The following CNTN2 variants were observed in gnomAD, a reference collection of about 807,000 sequenced individuals.
CNTN2 encodes the protein contactin 2, also known as contactin-2.
Under a neutral mutation model 117.5 loss-of-function variants are expected in CNTN2, and 53 were observed. The observed-to-expected ratio is 0.45, with a 90% confidence interval of 0.36 to 0.57. CNTN2 has a LOEUF of 0.57. Among genes scored for constraint, CNTN2 ranks in the 20% least tolerant of loss-of-function variants. The pLI is 0.00. For synonymous variants in CNTN2, 530 were observed against 561.7 expected, an observed-to-expected ratio of 0.94 and a Z score of 0.80; for missense variants, 1,106 against 1,404.3, an observed-to-expected ratio of 0.79 and a Z score of 3.39.
chr1:205,049,358 C>G (rs1021804638), intron 1 of CNTN2, among the ~76,000 whole-genome samples: 2 of 151,568 alleles, frequency 1.3e-5, no homozygotes, highest in African/African-American at 4.9e-5. Flanking sequence ...CATCATCATA[C>G]ACAGACACAT....
chr1:205,073,800 G>A lies in CNTN2; in HGVS notation c.*35G>A, dbSNP rs74951008. ...CCCTCCCTCTGCGCCGCAGCTGGAC[G>A]CCACCTCCGACGGACACAGCCAGCC... On this transcript the variant is annotated 3_prime_UTR_variant, in exon 23 of 23. Coordinates refer to ENST00000331830, the MANE Select transcript of CNTN2 (RefSeq NM_005076.5). This position sits in a 1 kb window ranked among gnomAD's most constrained non-coding sequence, Gnocchi z 6.3. 2.5e-3 allele frequency: 3,891 copies of A among 1,568,280 alleles called. 73 individuals are homozygous for A. The African/African-American group carries it at 0.045, about 18-fold the overall frequency.
rs1433538117 is a variant in CNTN2, at chr1:205,059,765, G to A, written c.797+83G>A. 4 of 1,158,340 alleles carry A rather than the reference G, an allele frequency of 3.5e-6. No homozygotes were observed. The highest frequency in any genetic ancestry group is 1.8e-5 in the Admixed American group (1 of 56,604). The allele number at this position is 1,158,340 out of a possible 1,614,324, so 71.8% of individuals were successfully genotyped here. On this transcript the variant is annotated intron_variant, in intron 7 of 22. Transcript: ENST00000331830. This position sits in a 1 kb window ranked among gnomAD's most constrained non-coding sequence, Gnocchi z 5.6. ...CAGGGTGAGGGCAGGCAGAGTCAGG[G>A]CTCTTATCTTGGTGTCCCTCACAGG...
chr1:205,074,020 AGCTC>A lies in CNTN2; in HGVS notation c.*256_*259del. The A allele has an allele frequency of 1.7e-6, 1 of 588,780 alleles. No individual in the cohort carries two copies. The highest frequency in any genetic ancestry group is 2.8e-5 in the East Asian group (1 of 36,248). The allele number at this position is 588,780 out of a possible 1,614,324, so 36.5% of individuals were successfully genotyped here. ...ATGATGACACTGACGCCTATACCTGAGCTCTAGGCTGCCTGGAGGGAAGGAACAG... is the reference window on the plus strand; with the variant it reads ...ATGATGACACTGACGCCTATACCTGATAGGCTGCCTGGAGGGAAGGAACAG... On this transcript the variant is annotated 3_prime_UTR_variant, in exon 23 of 23. Transcript: ENST00000331830.
chr1:205,045,892 G>A (rs182439442), intron 1 of CNTN2, among the ~76,000 whole-genome samples: 75 of 152,244 alleles, frequency 4.9e-4, no homozygotes, highest in Middle Eastern at 3.4e-3. Context: ...CTGCCTAGAG[G>A]CAAAGGTTGG....
chr1:205,066,339 C>G, intron 14 of CNTN2, 102 bp from the exon 15 acceptor site: 3 of 1,398,084 alleles, frequency 2.1e-6, no homozygotes, highest in Non-Finnish European at 2.9e-6. Flanking sequence ...CCTCTGCTGC[C>G]CTGTCTTGGT....
Position 205,065,284 on chromosome 1 carries a change from C to T in CNTN2, c.1695+22C>T. On this transcript the variant is annotated intron_variant, in intron 13 of 22. Transcript: ENST00000331830. This position sits in a 1 kb window ranked among gnomAD's most constrained non-coding sequence, Gnocchi z 4.1. ...TGTGGTGAGACCTAGGGCCAGAGCC[C>T]CATGGCTTCTCCCTCCTTCTAGAGA... 1 of 1,613,018 alleles carries T rather than the reference C, an allele frequency of 6.2e-7. No homozygotes were observed.
chr1:205,052,474 C>T (rs546658903), intron 1 of CNTN2, among the ~76,000 whole-genome samples: 2 of 152,330 alleles, frequency 1.3e-5, no homozygotes, highest in African/African-American at 2.4e-5. Flanking sequence ...TTAACTCTTT[C>T]GACCCAGAAA....
intron 14 of CNTN2, 142 bp from the exon 15 acceptor site, chr1:205,066,299 C>A: frequency 1.0e-6 from 1 of 996,014 alleles, no homozygotes; most frequent in Non-Finnish European, 1.4e-6. Context: ...CCCTTGCCCG[C>A]CCTCCCGCCT....
chr1:205,070,257 C>A, intron 18 of CNTN2, 169 bp from the exon 19 acceptor site: 1 of 712,234 alleles, frequency 1.4e-6, no homozygotes. Context: ...AAGGGAGGCT[C>A]TCTGGGAATA....
intron 14 of CNTN2, 146 bp downstream of exon 14, chr1:205,066,055 T>C (rs1654273615): frequency 3.0e-6 from 3 of 989,780 alleles, no homozygotes; most frequent in Non-Finnish European, 4.4e-6. Context: ...GGATATACCC[T>C]GTGGTTCTTC....
intron 21 of CNTN2, 200 bp from the exon 22 acceptor site, chr1:205,072,868 A>T: frequency 1.5e-6 from 1 of 647,572 alleles, no homozygotes; most frequent in Non-Finnish European, 2.7e-6. Context: ...CTTCTAGCTT[A>T]AGGAGTCTAC....
intron 19 of CNTN2, 43 bp downstream of exon 19, chr1:205,070,581 G>C: frequency 1.4e-6 from 2 of 1,416,542 alleles, no homozygotes; most frequent in Non-Finnish European, 2.0e-6. Context: ...GGGTGCTGGG[G>C]CTTCAAAGCC....
In CNTN2 at chr1:205,074,794, G is replaced by A. The variant is rs950254397; in HGVS notation, c.*1029G>A. The A allele has an allele frequency of 1.0e-5, 4 of 398,644 alleles. No individual in the cohort carries two copies. The highest frequency in any genetic ancestry group is 1.8e-5 in the Non-Finnish European group (4 of 226,178). The allele number at this position is 398,644 out of a possible 1,614,324, so 24.7% of individuals were successfully genotyped here. ...GGGGAATGCAGCATTCATGCTGTGT[G>A]TCCTGGTATTGGGAGGTTTCTGGGA... On this transcript the variant is annotated 3_prime_UTR_variant, in exon 23 of 23. Transcript: ENST00000331830.
chr1:205,073,442 A>C lies in CNTN2; in HGVS notation c.3013+206A>C. The C allele has an allele frequency of 1.2e-5, 9 of 758,756 alleles. No individual in the cohort carries two copies. Among genetic ancestry groups the C allele is most frequent in the Non-Finnish European group, 1.9e-5 (9 of 477,812 alleles). The allele number at this position is 758,756 out of a possible 1,614,324, so 47.0% of individuals were successfully genotyped here. A position where few individuals can be genotyped will look rare whatever the true frequency, so the allele number is the denominator to read the frequency against. On this transcript the variant is annotated intron_variant, in intron 22 of 22. Coordinates refer to ENST00000331830, the MANE Select transcript of CNTN2 (RefSeq NM_005076.5). The surrounding 1 kb of genome is among the most constrained non-coding windows in gnomAD (Gnocchi z 6.3). ...CCAGAACATCCCCGAGGGCCAGGGA[A>C]GGGCGCAGGGTGCAGGGGGAGGCTG...
At chr1:205,062,394 G>A (rs550015659) in intron 9 of CNTN2, 46 bp from the exon 10 acceptor site, 2 of 1,571,006 alleles carry the variant, frequency 1.3e-6, no homozygotes, top group Non-Finnish European at 1.7e-6. Context: ...CCTCCCTGTG[G>A]CTCCTGTGGT....
rs1369714950 is a variant in CNTN2, at chr1:205,072,516, C to T, written c.2765C>T (p.Thr922Ile). The change falls in exon 21 of 23, where the codon ACT (threonine) becomes ATT (isoleucine). Residue 922 changes from threonine to isoleucine, a missense_variant. Transcript: ENST00000331830. ...CGACCTCCTGGCAACATCTCCTGGA[C>T]TTTCTCAAGCTCTAGTCTTAGCATT... Reference protein sequence around the residue: ...PRRPPGNISWTFSSSSLSIKW... With the variant: ...PRRPPGNISWIFSSSSLSIKW... The T allele has an allele frequency of 6.2e-7, 1 of 1,614,210 alleles. No homozygotes were observed. The highest frequency in any genetic ancestry group is 8.5e-7 in the Non-Finnish European group (1 of 1,180,040).
rs951790759 is a variant in CNTN2, at chr1:205,048,312, T to A, written c.-86-4788T>A. On this transcript the variant is annotated intron_variant, in intron 1 of 22. Transcript: ENST00000331830. This position sits in a 1 kb window ranked among gnomAD's most constrained non-coding sequence, Gnocchi z 4.1. ...GACTGGCTCCATGCGGGGGGCCTTA[T>A]CCCAGAAAACCTTGTCGTGTGTTGG... 1.3e-5 allele frequency among the ~76,000 whole-genome samples: 2 copies of A among 152,094 alleles called. No individual in the cohort carries two copies. The highest frequency in any genetic ancestry group is 2.9e-5 in the Non-Finnish European group (2 of 68,018).
intron 17 of CNTN2, 117 bp downstream of exon 17, chr1:205,069,678 C>A: frequency 7.2e-7 from 1 of 1,397,670 alleles, no homozygotes; most frequent in South Asian, 1.2e-5. Context: ...TCCTGTCCCC[C>A]TTCCACGCAC....
rs553631482 is a variant in CNTN2 at position 205,064,426 on chromosome 1, G to A, written c.1345G>A (p.Val449Met). Residue 449 changes from valine (V) to methionine (M), a missense_variant, in exon 11 of 23, where the codon GTG becomes ATG. Coordinates refer to ENST00000331830, the MANE Select transcript of CNTN2 (RefSeq NM_005076.5). ...PCQPRAAPKA[V>M]VLWSKGTEIL... ...CCAGCCCCGGGCAGCTCCAAAGGCC[G>A]TGGTGCTCTGGAGCAAAGGCACGGA... is the stretch of plus-strand genomic sequence containing the variant. 2.0e-5 allele frequency: 32 copies of A among 1,612,826 alleles called. No homozygotes were observed. The highest frequency in any genetic ancestry group is 1.8e-4 in the South Asian group (16 of 91,046).
Sources: allele counts gnomAD v4.1 joint callset (sites outside exome capture counted in the v4.1 genomes callset), GRCh38; gene constraint gnomAD v4.1.1; non-coding constraint Gnocchi (gnomAD v3.1); transcripts MANE v1.5; gene names NCBI Gene and HGNC (gene_info 2026-07-23, HGNC 2026-07-21).